CYP3A4: variants seen among roughly 807,000 people sequenced by gnomAD.
CYP3A4 encodes cytochrome P450 3A4.
In CYP3A4, 41 loss-of-function variants were observed where a neutral mutation model predicts 54.9. That is an observed-to-expected ratio of 0.75 (90% CI 0.58 to 0.97). The LOEUF (loss-of-function observed/expected upper bound fraction) is 0.97, where lower values mean the gene tolerates loss of function less well. Among genes scored for constraint, CYP3A4 ranks in the 50% least tolerant of loss-of-function variants. The pLI is 0.00. For synonymous variants in CYP3A4, 179 were observed against 205.2 expected (o/e 0.87, Z 1.09); for missense variants, 510 against 597.3 (o/e 0.85, Z 1.52).
intron 3 of CYP3A4, among the ~76,000 whole-genome samples, chr7:99,776,511 A>G (rs191958191): frequency 6.6e-6 from 1 of 152,348 alleles, no homozygotes; most frequent in African/African-American, 2.4e-5. Flanking sequence ...CTATGCAGCC[A>G]TAAAAAAACA....
chr7:99,770,471 G>A (rs1326290467), intron 4 of CYP3A4, among the ~76,000 whole-genome samples: 3 of 152,074 alleles, frequency 2.0e-5, no homozygotes, highest in Non-Finnish European at 2.9e-5. Flanking sequence ...CCCTGATGTC[G>A]TCTCCAGCCT....
intron 5 of CYP3A4, 76 bp downstream of exon 5, chr7:99,770,046 T>G (rs541438347): frequency 6.5e-7 from 1 of 1,545,442 alleles, no homozygotes. Flanking sequence ...GGAAAGGGAC[T>G]GTGATCTTAT....
intron 12 of CYP3A4, among the ~76,000 whole-genome samples, chr7:99,758,805 C>G (rs1015060037): frequency 1.3e-5 from 2 of 152,178 alleles, no homozygotes; most frequent in African/African-American, 4.8e-5. Context: ...TGGGAAGACA[C>G]CTTCAGGAAG....
At chr7:99,764,167 T>A in intron 9 of CYP3A4, 152 bp from the exon 10 acceptor site, 1 of 1,176,324 alleles carries the variant, frequency 8.5e-7, no homozygotes. Context: ...TTCATTCTGA[T>A]GTGTATCTTA....
chr7:99,783,949 G>A (rs772157960), intron 1 of CYP3A4, 62 bp downstream of exon 1: 11 of 1,531,856 alleles, frequency 7.2e-6, no homozygotes, highest in Admixed American at 1.7e-5. Flanking sequence ...AAGGGAAAGA[G>A]AGGCCTGATT....
chr7:99,777,200 G>A (rs1815792311), intron 3 of CYP3A4, among the ~76,000 whole-genome samples: 1 of 151,862 alleles, frequency 6.6e-6, no homozygotes, highest in Non-Finnish European at 1.5e-5. Flanking sequence ...ATGTATTTAT[G>A]AGCACATATT....
chr7:99,758,364 G>A, intron 12 of CYP3A4, 136 bp from the exon 13 acceptor site: 8 of 1,000,124 alleles, frequency 8.0e-6, no homozygotes, highest in Admixed American at 4.5e-5. Flanking sequence ...TGGAGTAATG[G>A]GCAAAAAAAA....
intron 4 of CYP3A4, 97 bp from the exon 5 acceptor site, chr7:99,770,332 A>G: frequency 1.0e-6 from 1 of 970,028 alleles, no homozygotes; most frequent in Non-Finnish European, 1.5e-6. Context: ...TTCAACAACT[A>G]TTTAGTGACT....
intron 4 of CYP3A4, 119 bp downstream of exon 4, chr7:99,772,471 G>T: frequency 8.1e-7 from 1 of 1,234,694 alleles, no homozygotes; most frequent in African/African-American, 1.5e-5. Context: ...GGGGGGACAG[G>T]ATGAAGTGGA....
intron 9 of CYP3A4, 62 bp downstream of exon 9, chr7:99,766,315 T>A (rs1415499073): frequency 6.3e-7 from 1 of 1,577,316 alleles, no homozygotes; most frequent in Non-Finnish European, 8.7e-7. Context: ...TCCTGCACAT[T>A]TTCAGAACAA....
intron 3 of CYP3A4, among the ~76,000 whole-genome samples, chr7:99,775,237 A>G (rs1815732629): frequency 6.6e-6 from 1 of 152,146 alleles, no homozygotes; most frequent in African/African-American, 2.4e-5. Context: ...GGGTAGGAAG[A>G]CTCCATATCA....
At chr7:99,767,828 A>C (rs2687117) in intron 7 of CYP3A4, among the ~76,000 whole-genome samples, 1 of 152,104 alleles carries the variant, frequency 6.6e-6, no homozygotes, top group African/African-American at 2.4e-5. Flanking sequence ...GATGTGATAG[A>C]CCACAATCTC....
chr7:99,764,619 C>T (rs1310879654), intron 9 of CYP3A4, among the ~76,000 whole-genome samples: 2 of 152,192 alleles, frequency 1.3e-5, no homozygotes, highest in Non-Finnish European at 2.9e-5. Flanking sequence ...AAATCTCAAA[C>T]CCCACCCTTG....
chr7:99,769,776 G>C lies in CYP3A4; in HGVS notation c.513C>G (p.Thr171=). The C allele has an allele frequency of 6.2e-7, 1 of 1,613,912 alleles. No homozygotes were observed. The highest frequency in any genetic ancestry group is 8.5e-7 in the Non-Finnish European group (1 of 1,179,870). The change falls in exon 6 of 13, where the codon ACC becomes ACG. Residue 171 remains threonine, a synonymous_variant. Transcript: ENST00000651514. ...GCTGCGCTTCTACTTACTCTTTCAAGGTGACAGGCTTGCCTGTCTCTGCTT... is the reference window on the plus strand; with the variant it reads ...GCTGCGCTTCTACTTACTCTTTCAACGTGACAGGCTTGCCTGTCTCTGCTT... ...RREAETGKPV[T]LKDVFGAYSM...
chr7:99,760,883 T>C lies in CYP3A4; in HGVS notation c.1352A>G (p.Asn451Ser), dbSNP rs1815304111. 3 of 1,614,172 alleles carry C rather than the reference T, an allele frequency of 1.9e-6. No homozygotes were observed. Among genetic ancestry groups the C allele is most frequent in the Non-Finnish European group, 2.5e-6 (3 of 1,179,982 alleles). ...GACTCTGATTAGAGCAAGTTTCATGTTCATGAGAGCAAACCTCATGCCAAT... is the reference window on the plus strand; with the variant it reads ...GACTCTGATTAGAGCAAGTTTCATGCTCATGAGAGCAAACCTCATGCCAAT... ...NCIGMRFALM[N>S]MKLALIRVLQ... The change falls in exon 12 of 13, where the codon AAC becomes AGC. Residue 451 changes from asparagine (N) to serine (S), a missense_variant. Transcript: ENST00000651514.
At chr7:99,771,323 A>G (rs1181827508) in intron 4 of CYP3A4, among the ~76,000 whole-genome samples, 2 of 152,198 alleles carry the variant, frequency 1.3e-5, no homozygotes, top group Non-Finnish European at 2.9e-5. Context: ...TGTAACAACA[A>G]TCAATATCTG....
chr7:99,762,550 A>G (rs1199724304), intron 10 of CYP3A4, among the ~76,000 whole-genome samples: 1 of 151,792 alleles, frequency 6.6e-6, no homozygotes, highest in Non-Finnish European at 1.5e-5. Flanking sequence ...ATATATATAT[A>G]CACACACACA....
chr7:99,776,779 C>T (rs1815782507), intron 3 of CYP3A4, among the ~76,000 whole-genome samples: 1 of 151,976 alleles, frequency 6.6e-6, no homozygotes, highest in South Asian at 2.1e-4. Flanking sequence ...CACCATGGCA[C>T]GTGTATACCT....
intron 11 of CYP3A4, 68 bp downstream of exon 11, chr7:99,761,973 T>C: frequency 7.3e-7 from 1 of 1,366,678 alleles, no homozygotes; most frequent in South Asian, 1.2e-5. Flanking sequence ...GTCCTGTAGA[T>C]TAAGAGAGGC....
Sources: gnomAD v4.1 joint callset for allele counts (sites outside exome capture counted in the v4.1 genomes callset) on GRCh38, gnomAD v4.1.1 for gene constraint, MANE v1.5 for transcripts, NCBI Gene and HGNC (gene_info 2026-07-23, HGNC 2026-07-21) for gene names.